CDK13: variants seen among roughly 807,000 people sequenced by gnomAD.
CDK13 encodes the protein cyclin dependent kinase 13.
CDK13 carries 40 observed loss-of-function variants against 137.6 expected under a neutral mutation model. The observed-to-expected ratio is 0.29, with a 90% CI of 0.23 to 0.38. The LOEUF (loss-of-function observed/expected upper bound fraction) is 0.38, where lower values mean the gene tolerates loss of function less well. Among genes scored for constraint, CDK13 ranks in the 10% least tolerant of loss-of-function variants. The pLI is 1.00. For missense variants in CDK13, 1,704 were observed against 1,951.8 expected (o/e 0.87, Z 2.39); for synonymous variants, 869 against 760.1 (o/e 1.14, Z -2.36).
intron 1 of CDK13, among the ~76,000 whole-genome samples, chr7:39,959,337 T>C (rs537930052): frequency 1.3e-3 from 202 of 152,184 alleles, no homozygotes; most frequent in African/African-American, 4.7e-3. Context: ...AATTTTGTAT[T>C]TTTAGTAGAG....
rs140476459 is a variant in CDK13 at position 40,050,019 on chromosome 7, G to A, written c.2600+2142G>A. Among the ~76,000 whole-genome samples, 1,020 of 151,526 alleles carry A rather than the reference G, an allele frequency of 6.7e-3. 11 individuals carry two copies. The highest frequency in any genetic ancestry group is 0.023 in the African/African-American group (949 of 41,244). On this transcript the variant is annotated intron_variant, in intron 7 of 13. Coordinates refer to ENST00000181839, the MANE Select transcript of CDK13 (RefSeq NM_003718.5). The stretch of plus-strand genomic sequence containing the variant: ...TTTTGAGACAGAGTCTCACTCTGTC[G>A]CCCAGGCTGGAGTGCAGTGGTGCAA...
At chr7:40,017,572 C>G (rs1785028421) in intron 5 of CDK13, among the ~76,000 whole-genome samples, 1 of 151,892 alleles carries the variant, frequency 6.6e-6, no homozygotes, top group Admixed American at 6.6e-5. Context: ...GTGAATTTGC[C>G]TGTTCCTTTG....
chr7:39,977,690 G>T (rs565448626), intron 1 of CDK13, among the ~76,000 whole-genome samples: 39 of 152,332 alleles, frequency 2.6e-4, no homozygotes, highest in Non-Finnish European at 4.0e-4. Context: ...AGTCAAGCAG[G>T]GCCGAAGGCT....
intron 1 of CDK13, among the ~76,000 whole-genome samples, chr7:39,956,292 CATT>C (rs1343480707): frequency 9.2e-5 from 14 of 152,202 alleles, no homozygotes; most frequent in Admixed American, 2.6e-4. Context: ...AAGCTGTAAT[CATT>C]ATTTTCATTC....
intron 2 of CDK13, among the ~76,000 whole-genome samples, chr7:39,989,844 G>A (rs1315959499): frequency 2.0e-5 from 3 of 150,622 alleles, no homozygotes; most frequent in Admixed American, 6.6e-5. Context: ...GTGCAGTGGC[G>A]CTCTCTCGGC....
intron 2 of CDK13, among the ~76,000 whole-genome samples, chr7:39,990,913 A>G (rs1317400303): frequency 4.6e-5 from 7 of 152,268 alleles, no homozygotes; most frequent in South Asian, 2.1e-4. Context: ...ACTGCTTTAG[A>G]TTATTGAAAA....
intron 1 of CDK13, among the ~76,000 whole-genome samples, chr7:39,964,525 G>A (rs1413618592): frequency 1.3e-5 from 2 of 149,370 alleles, no homozygotes; most frequent in Non-Finnish European, 3.0e-5. Context: ...TTCTTTATTA[G>A]TCTTGCTAGC....
At chr7:40,064,209 A>G (rs1266207875) in intron 9 of CDK13, among the ~76,000 whole-genome samples, 1 of 148,524 alleles carries the variant, frequency 6.7e-6, no homozygotes, top group Non-Finnish European at 1.5e-5. Flanking sequence ...ATTTGAACCC[A>G]GGAGGCGAAG....
At chr7:40,036,173 T>TACACAC (rs70996875) in intron 5 of CDK13, among the ~76,000 whole-genome samples, 2,084 of 148,978 alleles carry the variant, frequency 0.014, 22 homozygotes, top group Non-Finnish European at 0.02. Flanking sequence ...ATAAATAAAT[T>TACACAC]ACACACACAC....
At chr7:39,960,018 T>C (rs1386030566) in intron 1 of CDK13, among the ~76,000 whole-genome samples, 1 of 151,974 alleles carries the variant, frequency 6.6e-6, no homozygotes, top group Admixed American at 6.6e-5. Flanking sequence ...TGTCAAACTT[T>C]AGTAGTACTT....
intron 5 of CDK13, 115 bp downstream of exon 5, chr7:40,002,146 G>A (rs987378937): frequency 1.1e-5 from 7 of 626,762 alleles, no homozygotes; most frequent in East Asian, 5.7e-5. Context: ...TGCTCTAATC[G>A]TGAAACTATA....
chr7:39,950,598 G>A lies in CDK13; in HGVS notation c.-44G>A, dbSNP rs1212576000. On this transcript the variant is annotated 5_prime_UTR_variant, in exon 1 of 14. Coordinates refer to ENST00000181839, the MANE Select transcript of CDK13 (RefSeq NM_003718.5). ...GGGAGATGGCCAGGATCTGACCCGGGAGGAGGCCGCACCCGCGCCGCGCTC... is the reference window on the plus strand; with the variant it reads ...GGGAGATGGCCAGGATCTGACCCGGAAGGAGGCCGCACCCGCGCCGCGCTC... The A allele has an allele frequency of 1.5e-6, 2 of 1,293,096 alleles. No homozygotes were observed. Among genetic ancestry groups the A allele is most frequent in the African/African-American group, 3.1e-5 (2 of 64,658 alleles). The allele number at this position is 1,293,096 out of a possible 1,614,324, so 80.1% of individuals were successfully genotyped here.
At chr7:40,067,820 C>G (rs1786314160) in intron 9 of CDK13, 1 of 149,568 alleles carries the variant, frequency 6.7e-6, no homozygotes, top group Non-Finnish European at 1.5e-5. Flanking sequence ...TTAGGCTGGG[C>G]ATGGTGGCTC....
chr7:40,059,857 G>A (rs2150525115), intron 7 of CDK13, among the ~76,000 whole-genome samples: 1 of 152,254 alleles, frequency 6.6e-6, no homozygotes, highest in African/African-American at 2.4e-5. Context: ...AATTACATCA[G>A]TGTTTTAAAA....
At chr7:40,025,373 A>G (rs1785222223) in intron 5 of CDK13, among the ~76,000 whole-genome samples, 1 of 152,212 alleles carries the variant, frequency 6.6e-6, no homozygotes, top group Admixed American at 6.5e-5. Flanking sequence ...CTCACAAAGA[A>G]AAAATTCCAA....
At chr7:40,021,843 C>T (rs1785133242) in intron 5 of CDK13, among the ~76,000 whole-genome samples, 1 of 152,076 alleles carries the variant, frequency 6.6e-6, no homozygotes, top group African/African-American at 2.4e-5. Flanking sequence ...TTTTTCTTTT[C>T]AAGCAGATAG....
chr7:40,038,306 A>T (rs577909037), intron 5 of CDK13, among the ~76,000 whole-genome samples: 2 of 152,176 alleles, frequency 1.3e-5, no homozygotes, highest in African/African-American at 4.8e-5. Context: ...GACAAAAATC[A>T]TTTTGTTAGT....
intron 1 of CDK13, among the ~76,000 whole-genome samples, chr7:39,958,657 G>A (rs974394930): frequency 4.6e-5 from 7 of 151,010 alleles, no homozygotes; most frequent in Admixed American, 2.0e-4. Flanking sequence ...AGCATAAATT[G>A]TTTGGCTGAA....
chr7:39,997,672 C>T lies in CDK13; in HGVS notation c.2042+8C>T. ...TAGTAAAAGGAGGCCTAAGTATGTG[C>T]TTGCTTTCTACCTGCTCTTAAATTG... On this transcript the variant is annotated splice_region_variant and intron_variant, in intron 3 of 13. Coordinates refer to ENST00000181839, the MANE Select transcript of CDK13 (RefSeq NM_003718.5). 6.2e-7 allele frequency: 1 copy of T among 1,607,484 alleles called. No homozygotes were observed. The highest frequency in any genetic ancestry group is 8.5e-7 in the Non-Finnish European group (1 of 1,176,244).
Sources: allele counts gnomAD v4.1 joint callset (sites outside exome capture counted in the v4.1 genomes callset), GRCh38; gene constraint gnomAD v4.1.1; transcripts MANE v1.5; gene names NCBI Gene and HGNC (gene_info 2026-07-23, HGNC 2026-07-21).